The following PLAGL1 variants were observed in gnomAD, a reference collection of about 807,000 sequenced individuals.
PLAGL1 encodes PLAG1 like zinc finger 1.
PLAGL1 carries 1 observed loss-of-function variant against 4.6 expected under a neutral mutation model. That is an observed-to-expected ratio of 0.22 (90% confidence interval 0.08 to 1.03). The LOEUF (loss-of-function observed/expected upper bound fraction) is 1.03, where lower values mean the gene tolerates loss of function less well. PLAGL1 is among the 50% of genes least tolerant of loss of function. The pLI, the probability that PLAGL1 is intolerant of heterozygous loss-of-function variation, is 0.58. For synonymous variants in PLAGL1, 240 were observed against 237.8 expected (o/e 1.01, Z -0.08); for missense variants, 464 against 570.4 (o/e 0.81, Z 1.90).
At position 143,990,357 on chromosome 6, in the gene PLAGL1, G is replaced by A. The variant is rs1338718830; in HGVS notation, c.-583-5183C>T. Among the ~76,000 whole-genome samples the A allele has an allele frequency of 6.6e-6, 1 of 152,142 alleles. No homozygotes were observed. Among genetic ancestry groups the A allele is most frequent in the Non-Finnish European group, 1.5e-5 (1 of 68,028 alleles). Reference sequence around the variant, plus strand: ...GATGGTCTCCATCCCCTGACCTCGGGATCCGCCCGCCTTGGCCTCCCAAAG... The same window carrying A: ...GATGGTCTCCATCCCCTGACCTCGGAATCCGCCCGCCTTGGCCTCCCAAAG... On this transcript the variant is annotated intron_variant, in intron 1 of 7. Coordinates refer to ENST00000674357, the MANE Select transcript of PLAGL1 (RefSeq NM_001317162.2). The surrounding 1 kb of genome is among the most constrained non-coding windows in gnomAD (Gnocchi z 5.4).
At chr6:144,026,678 G>C (rs1157323398) in intron 1 of PLAGL1, among the ~76,000 whole-genome samples, 1 of 152,100 alleles carries the variant, frequency 6.6e-6, no homozygotes, top group Admixed American at 6.5e-5. Context: ...TTTGCTTATT[G>C]TTTCAAGTTA....
intron 3 of PLAGL1, chr6:143,967,329 A>G (rs1222276797): frequency 6.6e-6 from 1 of 152,192 alleles, no homozygotes; most frequent in Non-Finnish European, 1.5e-5. Context: ...CACGATGGGT[A>G]AGCTCACAAT....
In PLAGL1 at chr6:143,959,487, C is replaced by T. The variant is rs907483766; in HGVS notation, c.-325+982G>A. Among the ~76,000 whole-genome samples, 1 of 152,094 alleles carries T rather than the reference C, an allele frequency of 6.6e-6. No individual in the cohort carries two copies. The highest frequency in any genetic ancestry group is 6.5e-5 in the Admixed American group (1 of 15,276). On this transcript the variant is annotated intron_variant, in intron 6 of 7. Coordinates refer to ENST00000674357, the MANE Select transcript of PLAGL1 (RefSeq NM_001317162.2). The surrounding 1 kb of genome is among the most constrained non-coding windows in gnomAD (Gnocchi z 5.3). ...GCTAGGTCCTAGTAGATATGTTGGC[C>T]CTGTTGGGATTAATTTCAATTTCTT...
rs1469495926 is a variant in PLAGL1 at position 144,064,237 on chromosome 6, G to T, written c.-151+231C>A. Among the ~76,000 whole-genome samples, 1 of 152,254 alleles carries T rather than the reference G, an allele frequency of 6.6e-6. No homozygotes were observed. ...GGAAGCGCGCCCCAAGCCGCACAAA[G>T]GTGGCCGCCGGTGTCCCAAGCACCG... On this transcript the variant is annotated intron_variant, in intron 1 of 3. Transcript: ENST00000437412. This position sits in a 1 kb window ranked among gnomAD's most constrained non-coding sequence, Gnocchi z 6.8.
chr6:144,008,483 C>G (rs1017538089), upstream of PLAGL1: 3 of 152,130 alleles, frequency 2.0e-5, no homozygotes, highest in Admixed American at 6.6e-5. This position sits in a 1 kb window ranked among gnomAD's most constrained non-coding sequence, Gnocchi z 6.9. Flanking sequence ...GAGGCCCCGC[C>G]GGGGAGCTGG....
rs1272636971 is a variant in PLAGL1, at chr6:143,989,481, C to T, written c.-583-4307G>A. 3.9e-5 allele frequency among the ~76,000 whole-genome samples: 6 copies of T among 152,166 alleles called. No individual in the cohort carries two copies. The highest frequency in any genetic ancestry group is 1.4e-4 in the African/African-American group (6 of 41,430). On this transcript the variant is annotated intron_variant, in intron 1 of 7. Transcript: ENST00000674357. The surrounding 1 kb of genome is among the most constrained non-coding windows in gnomAD (Gnocchi z 4.8). The stretch of plus-strand genomic sequence containing the variant: ...AAAAGGTGGAAGGAGGAGGAATTCA[C>T]CCCCTTTTCTTCCTGCCTGCCTGAG...
chr6:143,957,371 A>T lies in PLAGL1; in HGVS notation c.-325+3098T>A, dbSNP rs1200302255. 6.6e-6 allele frequency among the ~76,000 whole-genome samples: 1 copy of T among 152,160 alleles called. No homozygotes were observed. The highest frequency in any genetic ancestry group is 1.5e-5 in the Non-Finnish European group (1 of 68,022). Reference sequence around the variant, plus strand: ...CTTTGGTATTAGGGGAAGATTTTCTAATTGTTACAGTCAGGAATGGGGATC... The same window carrying T: ...CTTTGGTATTAGGGGAAGATTTTCTTATTGTTACAGTCAGGAATGGGGATC... On this transcript the variant is annotated intron_variant, in intron 6 of 7. Coordinates refer to ENST00000674357, the MANE Select transcript of PLAGL1 (RefSeq NM_001317162.2). This position sits in a 1 kb window ranked among gnomAD's most constrained non-coding sequence, Gnocchi z 4.2.
intron 1 of PLAGL1, among the ~76,000 whole-genome samples, chr6:144,031,743 G>T (rs1796847680): frequency 6.6e-6 from 1 of 152,052 alleles, no homozygotes; most frequent in Non-Finnish European, 1.5e-5. Context: ...TGCTGTTTTG[G>T]TGACTATGGC....
At chr6:144,019,637 TAAAC>T (rs1198585347) in intron 1 of PLAGL1, among the ~76,000 whole-genome samples, 1 of 152,134 alleles carries the variant, frequency 6.6e-6, no homozygotes, top group Non-Finnish European at 1.5e-5. Flanking sequence ...CTGATGTAGT[TAAAC>T]AATCATAAAT....
rs977720287 is a variant in PLAGL1, at chr6:143,990,772, T to C, written c.-583-5598A>G. Among the ~76,000 whole-genome samples the C allele has an allele frequency of 3.9e-5, 6 of 152,218 alleles. No individual in the cohort carries two copies. The highest frequency in any genetic ancestry group is 1.4e-4 in the African/African-American group (6 of 41,460). On this transcript the variant is annotated intron_variant, in intron 1 of 7. Transcript: ENST00000674357. This position sits in a 1 kb window ranked among gnomAD's most constrained non-coding sequence, Gnocchi z 5.4. ...TTTTCAGGATATTAAAGACTTCATCTTCCCGGGACCCAACCCCTCTTTCCT... is the reference window on the plus strand; with the variant it reads ...TTTTCAGGATATTAAAGACTTCATCCTCCCGGGACCCAACCCCTCTTTCCT...
At position 143,985,984 on chromosome 6, in the gene PLAGL1, A is replaced by T. The variant is rs1174271194; in HGVS notation, c.-583-810T>A. Reference sequence around the variant, plus strand: ...TATCAAATTATATATATATAAAATTATATATATATATATATATATATATAT... The same window carrying T: ...TATCAAATTATATATATATAAAATTTTATATATATATATATATATATATAT... On this transcript the variant is annotated intron_variant, in intron 1 of 7. Coordinates refer to ENST00000674357, the MANE Select transcript of PLAGL1 (RefSeq NM_001317162.2). The surrounding 1 kb of genome is among the most constrained non-coding windows in gnomAD (Gnocchi z 4.4). Among the ~76,000 whole-genome samples the T allele has an allele frequency of 7.8e-5, 4 of 51,318 alleles. No homozygotes were observed. The highest frequency in any genetic ancestry group is 3.6e-4 in the Admixed American group (2 of 5,526). The allele number at this position is 51,318 out of a possible 152,430, so 33.7% of individuals were successfully genotyped here. A position where few individuals can be genotyped will look rare whatever the true frequency, so the allele number is the denominator to read the frequency against.
rs1188352553 is a variant in PLAGL1, at chr6:143,979,943, A to C, written c.-544+5192T>G. On this transcript the variant is annotated intron_variant, in intron 2 of 7. Coordinates refer to ENST00000674357, the MANE Select transcript of PLAGL1 (RefSeq NM_001317162.2). The surrounding 1 kb of genome is among the most constrained non-coding windows in gnomAD (Gnocchi z 4.6). Reference sequence around the variant, plus strand: ...TATTTCACCTGTTATTTTCCTACCAAAGAAAGTGCTTGCATGTTTCACCTT... The same window carrying C: ...TATTTCACCTGTTATTTTCCTACCACAGAAAGTGCTTGCATGTTTCACCTT... Among the ~76,000 whole-genome samples, 1 of 152,130 alleles carries C rather than the reference A, an allele frequency of 6.6e-6. No individual in the cohort carries two copies. The highest frequency in any genetic ancestry group is 1.5e-5 in the Non-Finnish European group (1 of 67,972).
Position 143,942,126 on chromosome 6 carries a change from A to T in PLAGL1, c.690T>A (p.Pro230=), listed in dbSNP as rs1226588983. The change falls in exon 8 of 8, where the codon CCT becomes CCA. Residue 230 remains proline (P), a synonymous_variant. Coordinates refer to ENST00000674357, the MANE Select transcript of PLAGL1 (RefSeq NM_001317162.2). The surrounding 1 kb of genome is among the most constrained non-coding windows in gnomAD (Gnocchi z 7.6). ...DLLSTFHTIS[P]SFQLKAAALP... is the part of the protein sequence containing the mutation. The stretch of plus-strand genomic sequence containing the variant: ...AGGCAGCAGCCTTCAGTTGGAATGA[A>T]GGCGAGATGGTGTGGAAGGTGCTCA... The T allele has an allele frequency of 6.2e-7, 1 of 1,614,172 alleles. No individual in the cohort carries two copies. Among genetic ancestry groups the T allele is most frequent in the Non-Finnish European group, 8.5e-7 (1 of 1,180,032 alleles).
In PLAGL1 at chr6:143,977,957, A is replaced by C. The variant is rs527433542; in HGVS notation, c.-544+7178T>G. On this transcript the variant is annotated intron_variant, in intron 2 of 7. Coordinates refer to ENST00000674357, the MANE Select transcript of PLAGL1 (RefSeq NM_001317162.2). ...GTCTATTTTATCTAATTTATCAAAT[A>C]TGTGAGTGAGAGCTTATTTATACTA... is the stretch of plus-strand genomic sequence containing the variant. Among the ~76,000 whole-genome samples, 12 of 152,340 alleles carry C rather than the reference A, an allele frequency of 7.9e-5. No homozygotes were observed. The South Asian group carries it at 2.3e-3, about 29-fold the overall frequency.
rs922961220 is a variant in PLAGL1, at chr6:144,055,947, C to T, written c.-151+8521G>A. ...TTCAAAAGCTCATAAAATAGTAGTGCTCTTACTTTTGAAAGCAGATCCACC... is the reference window on the plus strand; with the variant it reads ...TTCAAAAGCTCATAAAATAGTAGTGTTCTTACTTTTGAAAGCAGATCCACC... On this transcript the variant is annotated intron_variant, in intron 1 of 3. Coordinates refer to the PLAGL1 transcript ENST00000437412. The surrounding 1 kb of genome is among the most constrained non-coding windows in gnomAD (Gnocchi z 5.0). Among the ~76,000 whole-genome samples, 3 of 152,046 alleles carry T rather than the reference C, an allele frequency of 2.0e-5. No individual in the cohort carries two copies. Among genetic ancestry groups the T allele is most frequent in the Non-Finnish European group, 4.4e-5 (3 of 67,998 alleles).
At position 144,027,234 on chromosome 6, in the gene PLAGL1, C is replaced by A. The variant is rs9496842; in HGVS notation, c.-151+37234G>T. Among the ~76,000 whole-genome samples, 25,952 of 109,638 alleles carry A rather than the reference C, an allele frequency of 0.24. 3,636 individuals carry two copies. Among genetic ancestry groups the A allele is most frequent in the African/African-American group, 0.41 (10,815 of 26,066 alleles). The allele number at this position is 109,638 out of a possible 152,430, so 71.9% of individuals were successfully genotyped here. A position where few individuals can be genotyped will look rare whatever the true frequency, so the allele number is the denominator to read the frequency against. On this transcript the variant is annotated intron_variant, in intron 1 of 3. Transcript: ENST00000437412. The surrounding 1 kb of genome is among the most constrained non-coding windows in gnomAD (Gnocchi z 5.8). Reference sequence around the variant, plus strand: ...GAAAGACCCCAACTCAAAGAACGAACGAAAGAAAGAAAGAAAGAAAGAAAG... The same window carrying A: ...GAAAGACCCCAACTCAAAGAACGAAAGAAAGAAAGAAAGAAAGAAAGAAAG...
chr6:144,032,140 A>C (rs959577663), intron 1 of PLAGL1, among the ~76,000 whole-genome samples: 1 of 149,940 alleles, frequency 6.7e-6, no homozygotes, highest in African/African-American at 2.5e-5. Context: ...TTTTTGAGAC[A>C]GAGTATCTAT....
intron 1 of PLAGL1, among the ~76,000 whole-genome samples, chr6:144,030,575 A>C (rs1796742144): frequency 6.6e-6 from 1 of 152,198 alleles, no homozygotes; most frequent in Non-Finnish European, 1.5e-5. Flanking sequence ...TAGCTTCCAC[A>C]TATAAGTGAG....
intron 2 of PLAGL1, among the ~76,000 whole-genome samples, chr6:143,981,183 C>G (rs1486641994): frequency 1.5e-5 from 2 of 136,038 alleles, no homozygotes; most frequent in East Asian, 4.3e-4. Flanking sequence ...TGCCTCATCG[C>G]TGAAGCATTA....
Sources: gnomAD v4.1 joint callset for allele counts (sites outside exome capture counted in the v4.1 genomes callset) on GRCh38, gnomAD v4.1.1 for gene constraint, Gnocchi (gnomAD v3.1) non-coding constraint, MANE v1.5 for transcripts, NCBI Gene and HGNC (gene_info 2026-07-23, HGNC 2026-07-21) for gene names.